The following METTL8 variants were observed in gnomAD, a reference collection of about 807,000 sequenced individuals.
The protein encoded by METTL8 is methyltransferase 8, tRNA N3-cytidine, also known as tRNA N(3)-cytidine methyltransferase METTL8, mitochondrial.
A neutral mutation model predicts 48.7 loss-of-function variants in METTL8; 32 were observed. The observed-to-expected ratio is 0.66, with a 90% CI of 0.50 to 0.88. METTL8 has a LOEUF of 0.88. METTL8 is among the 40% of genes least tolerant of loss of function. The pLI is 0.00. For synonymous variants in METTL8, 136 were observed against 157.1 expected, an observed-to-expected ratio of 0.87 and a Z score of 1.01; for missense variants, 464 against 474.4, an observed-to-expected ratio of 0.98 and a Z score of 0.20.
chr2:171,390,941 G>C (rs1480971172), intron 2 of METTL8, among the ~76,000 whole-genome samples: 1 of 152,212 alleles, frequency 6.6e-6, no homozygotes, highest in Non-Finnish European at 1.5e-5. Context: ...AACAGTGGCA[G>C]GATCTGTGAG....
Position 171,338,614 on chromosome 2 carries a change from C to T in METTL8, c.606+570G>A, listed in dbSNP as rs2052350. ...GAGATGGCGCCACTATACTCTAGCC[C>T]GGGCAACAAGAACAAAAGTCTGTCT... On this transcript the variant is annotated intron_variant, in intron 4 of 9. Transcript: ENST00000375258. Among the ~76,000 whole-genome samples the T allele has an allele frequency of 4.6e-3, 680 of 146,416 alleles. 4 individuals are homozygous for T. Among genetic ancestry groups the T allele is most frequent in the Non-Finnish European group, 7.7e-3 (520 of 67,118 alleles).
chr2:171,418,975 C>T lies in METTL8; in HGVS notation c.-13+14908G>A, dbSNP rs144306312. Among the ~76,000 whole-genome samples the T allele has an allele frequency of 9.9e-3, 1,495 of 151,616 alleles. 26 individuals are homozygous for T. Among genetic ancestry groups the T allele is most frequent in the African/African-American group, 0.035 (1,425 of 41,298 alleles). On this transcript the variant is annotated intron_variant, in intron 1 of 9. Transcript: ENST00000375258. The stretch of plus-strand genomic sequence containing the variant: ...AAGTATAGTCCGGTATGAGTATACT[C>T]CAGTATGAGTATAGTCACGCAGCGT...
intron 2 of METTL8, among the ~76,000 whole-genome samples, chr2:171,368,455 G>A (rs1459804540): frequency 2.0e-5 from 3 of 152,158 alleles, no homozygotes; most frequent in Non-Finnish European, 4.4e-5. Flanking sequence ...TACAGTATGT[G>A]TTTGCAAAAA....
intron 2 of METTL8, among the ~76,000 whole-genome samples, chr2:171,363,218 ATTT>A (rs942369889): frequency 6.9e-6 from 1 of 145,438 alleles, no homozygotes. Context: ...TGCAGAACAG[ATTT>A]TTTTTTTTTT....
rs571066682 is a variant in METTL8, at chr2:171,366,684, T to C, written c.144-6171A>G. ...TCAGAAAAAAATGAAAACTTCTTTT[T>C]AAAAAAGGAAATTCTAGAACAAACC... On this transcript the variant is annotated intron_variant, in intron 2 of 9. Coordinates refer to ENST00000375258, the MANE Select transcript of METTL8 (RefSeq NM_001321154.2). Among the ~76,000 whole-genome samples, 10 of 152,178 alleles carry C rather than the reference T, an allele frequency of 6.6e-5. No individual in the cohort carries two copies. In the East Asian group the frequency reaches 1.9e-3, roughly 29 times the overall value.
intron 2 of METTL8, among the ~76,000 whole-genome samples, chr2:171,365,485 G>A (rs1685620009): frequency 6.6e-6 from 1 of 152,110 alleles, no homozygotes; most frequent in Non-Finnish European, 1.5e-5. Flanking sequence ...AGAGCTCAGG[G>A]CCGTGAGCAA....
At chr2:171,419,000 T>G (rs1011036046) in intron 1 of METTL8, among the ~76,000 whole-genome samples, 4 of 150,938 alleles carry the variant, frequency 2.7e-5, no homozygotes, top group African/African-American at 9.8e-5. Flanking sequence ...TCACGCAGCG[T>G]GACAGAGTGA....
intron 1 of METTL8, among the ~76,000 whole-genome samples, chr2:171,415,630 A>G (rs1430484788): frequency 6.6e-6 from 1 of 152,100 alleles, no homozygotes; most frequent in Admixed American, 6.5e-5. Flanking sequence ...GATTACAGGC[A>G]TTAGCTACCA....
At chr2:171,381,084 T>C (rs565144570) in intron 2 of METTL8, among the ~76,000 whole-genome samples, 3 of 151,570 alleles carry the variant, frequency 2.0e-5, no homozygotes, top group African/African-American at 7.2e-5. Context: ...CAGACCTCCA[T>C]TAAACAGAGA....
intron 1 of METTL8, among the ~76,000 whole-genome samples, chr2:171,423,355 C>G (rs1430322583): frequency 6.6e-6 from 1 of 152,106 alleles, no homozygotes; most frequent in Non-Finnish European, 1.5e-5. Flanking sequence ...AACTTTGGAA[C>G]TGGGTAACAG....
chr2:171,429,149 G>A (rs971134228), intron 1 of METTL8, among the ~76,000 whole-genome samples: 12 of 151,848 alleles, frequency 7.9e-5, no homozygotes, highest in African/African-American at 2.2e-4. Flanking sequence ...ATTAACAAAA[G>A]GACACTCTGG....
At chr2:171,422,387 C>T (rs1691962842) in intron 1 of METTL8, among the ~76,000 whole-genome samples, 1 of 152,136 alleles carries the variant, frequency 6.6e-6, no homozygotes, top group African/African-American at 2.4e-5. Flanking sequence ...AACTTTAAAA[C>T]CTAGAAAAAG....
chr2:171,415,192 T>C (rs1020502743), intron 1 of METTL8, among the ~76,000 whole-genome samples: 7 of 152,130 alleles, frequency 4.6e-5, no homozygotes, highest in Non-Finnish European at 1.0e-4. Flanking sequence ...AGGTACAAGA[T>C]AGTATTTATA....
intron 2 of METTL8, among the ~76,000 whole-genome samples, chr2:171,374,327 C>T (rs1315462330): frequency 2.0e-5 from 3 of 152,144 alleles, no homozygotes; most frequent in East Asian, 3.9e-4. Flanking sequence ...ACAATAATTT[C>T]TTAACAAAAA....
rs192138748 is a variant in METTL8, at chr2:171,350,424, C to T, written c.235+9998G>A. Among the ~76,000 whole-genome samples, 10 of 152,274 alleles carry T rather than the reference C, an allele frequency of 6.6e-5. No individual in the cohort carries two copies. In the East Asian group the frequency reaches 1.9e-3, roughly 29 times the overall value. ...TGTGAATAGTGCCACAATAAACATACGTGTGCATGTGTCTTTATAGCAGCA... is the reference window on the plus strand; with the variant it reads ...TGTGAATAGTGCCACAATAAACATATGTGTGCATGTGTCTTTATAGCAGCA... On this transcript the variant is annotated intron_variant, in intron 3 of 9. Coordinates refer to ENST00000375258, the MANE Select transcript of METTL8 (RefSeq NM_001321154.2).
intron 4 of METTL8, among the ~76,000 whole-genome samples, 153 bp from the exon 5 acceptor site, chr2:171,337,655 C>T (rs1686259982): frequency 6.6e-6 from 1 of 152,010 alleles, no homozygotes; most frequent in Admixed American, 6.6e-5. Flanking sequence ...AAATAAATCA[C>T]AGGAATAAAC....
intron 1 of METTL8, among the ~76,000 whole-genome samples, chr2:171,424,313 T>A (rs1692179129): frequency 6.6e-6 from 1 of 152,190 alleles, no homozygotes; most frequent in East Asian, 1.9e-4. Context: ...ACTGGGACAC[T>A]GCCTAGTGGA....
At chr2:171,409,911 G>C (rs1690576663) in intron 1 of METTL8, among the ~76,000 whole-genome samples, 1 of 152,118 alleles carries the variant, frequency 6.6e-6, no homozygotes, top group African/African-American at 2.4e-5. Flanking sequence ...CTACGGTCAG[G>C]CCGGAAAGAT....
At chr2:171,433,340 C>G (rs1038032172) in intron 1 of METTL8, 1 of 152,166 alleles carries the variant, frequency 6.6e-6, no homozygotes, top group African/African-American at 2.4e-5. Flanking sequence ...CGAAAAAATG[C>G]GATTCAAGGA....
Sources: allele counts gnomAD v4.1 joint callset (sites outside exome capture counted in the v4.1 genomes callset), GRCh38; gene constraint gnomAD v4.1.1; transcripts MANE v1.5; gene names NCBI Gene and HGNC (gene_info 2026-07-23, HGNC 2026-07-21).